RCL1: variants seen among roughly 807,000 people sequenced by gnomAD.
The protein encoded by RCL1 is RNA terminal phosphate cyclase like 1, also known as RNA 3'-terminal phosphate cyclase-like protein.
RCL1 carries 24 observed loss-of-function variants against 42.4 expected under a neutral mutation model. The observed-to-expected ratio is 0.57, with a 90% CI of 0.41 to 0.80. RCL1 has a LOEUF of 0.80. RCL1 is among the 30% of genes least tolerant of loss of function. The pLI, the probability that RCL1 is intolerant of heterozygous loss-of-function variation, is 0.00. For missense variants in RCL1, 578 were observed against 467.9 expected (o/e 1.24, Z -2.17); for synonymous variants, 228 against 177.3 (o/e 1.29, Z -2.27).
intron 1 of RCL1, among the ~76,000 whole-genome samples, chr9:4,812,039 G>T (rs1408824627): frequency 6.6e-6 from 1 of 151,988 alleles, no homozygotes; most frequent in Non-Finnish European, 1.5e-5. Flanking sequence ...TTTTAAAATT[G>T]GATTATTTGT....
intron 6 of RCL1, among the ~76,000 whole-genome samples, chr9:4,843,681 A>G (rs535460446): frequency 2.6e-5 from 4 of 152,350 alleles, no homozygotes; most frequent in African/African-American, 9.6e-5. Context: ...ACTCACACAG[A>G]TGGAAATTCT....
At chr9:4,804,709 G>A in intron 1 of RCL1, 1 of 173,230 alleles carries the variant, frequency 5.8e-6, no homozygotes, top group Non-Finnish European at 1.3e-5. Flanking sequence ...TGGCCGGTGC[G>A]CTGGTGGGGA....
chr9:4,836,448 A>G (rs1817133632), intron 5 of RCL1, among the ~76,000 whole-genome samples: 1 of 152,196 alleles, frequency 6.6e-6, no homozygotes, highest in African/African-American at 2.4e-5. Context: ...AAATAGATAC[A>G]TGTACTGTGT....
intron 1 of RCL1, among the ~76,000 whole-genome samples, chr9:4,796,411 T>C (rs1842915020): frequency 6.6e-6 from 1 of 152,196 alleles, no homozygotes; most frequent in African/African-American, 2.4e-5. Context: ...CATTATTTCA[T>C]TCTTTTTTTT....
intron 8 of RCL1, among the ~76,000 whole-genome samples, chr9:4,851,109 A>ATATG (rs1170617445): frequency 6.6e-6 from 1 of 152,162 alleles, no homozygotes; most frequent in Non-Finnish European, 1.5e-5. Flanking sequence ...GATGCTCAAG[A>ATATG]TATGACTGGA....
intron 1 of RCL1, among the ~76,000 whole-genome samples, chr9:4,807,761 C>T (rs1248547977): frequency 1.4e-4 from 22 of 152,282 alleles, no homozygotes; most frequent in Non-Finnish European, 2.2e-4. Context: ...TCAGGTGATC[C>T]GCCTGCCTGA....
At chr9:4,795,101 A>G (rs946504450) in intron 1 of RCL1, among the ~76,000 whole-genome samples, 6 of 151,648 alleles carry the variant, frequency 4.0e-5, no homozygotes, top group African/African-American at 1.5e-4. Flanking sequence ...TTTTTGAGAC[A>G]GAGTCTTACT....
intron 8 of RCL1, among the ~76,000 whole-genome samples, chr9:4,852,071 CG>C (rs1563859237): frequency 6.6e-6 from 1 of 151,900 alleles, no homozygotes; most frequent in East Asian, 1.9e-4. Flanking sequence ...TTAGTAGAGA[CG>C]GGGTTTCACC....
intron 8 of RCL1, among the ~76,000 whole-genome samples, chr9:4,857,914 T>C (rs933321277): frequency 1.9e-4 from 28 of 148,246 alleles, no homozygotes; most frequent in Non-Finnish European, 3.3e-4. Context: ...TGAGGAAATA[T>C]CCGTTTAGCT....
At chr9:4,803,932 A>G (rs1007600749) in intron 1 of RCL1, 3 of 152,538 alleles carry the variant, frequency 2.0e-5, no homozygotes, top group Non-Finnish European at 4.4e-5. Flanking sequence ...ACTCACGGCC[A>G]TCTCAGGCCC....
rs1380248038 is a variant in RCL1, at chr9:4,815,772, A to G, written c.137-7776A>G. ...CTCCTTCTCTGTGGGGAGCACAGCT[A>G]CGTATGTATACTCCAGGCAGCTTAG... On this transcript the variant is annotated intron_variant, in intron 1 of 8. Transcript: ENST00000381750. Among the ~76,000 whole-genome samples, 7 of 152,118 alleles carry G rather than the reference A, an allele frequency of 4.6e-5. No homozygotes were observed. The East Asian group carries it at 1.3e-3, about 29-fold the overall frequency.
intron 8 of RCL1, among the ~76,000 whole-genome samples, chr9:4,852,163 G>T (rs1040503179): frequency 6.6e-6 from 1 of 152,324 alleles, no homozygotes; most frequent in East Asian, 1.9e-4. Flanking sequence ...TTGCAGGCCT[G>T]AGCCACCAAG....
At chr9:4,837,145 A>G (rs187172456) in intron 5 of RCL1, among the ~76,000 whole-genome samples, 11 of 152,308 alleles carry the variant, frequency 7.2e-5, no homozygotes, top group African/African-American at 2.2e-4. Flanking sequence ...TGGAAATGCA[A>G]TGTAACTAGG....
chr9:4,816,605 C>G (rs1378342578), intron 1 of RCL1, among the ~76,000 whole-genome samples: 1 of 151,906 alleles, frequency 6.6e-6, no homozygotes, highest in South Asian at 2.1e-4. Context: ...TATCCGCAGC[C>G]CTTTTTGGGA....
chr9:4,816,289 A>G (rs1340575566), intron 1 of RCL1, among the ~76,000 whole-genome samples: 1 of 152,200 alleles, frequency 6.6e-6, no homozygotes, highest in Non-Finnish European at 1.5e-5. Context: ...GTCTTTTGAC[A>G]CTTTCAGTGT....
intron 1 of RCL1, among the ~76,000 whole-genome samples, chr9:4,798,349 A>C (rs1307830244): frequency 6.6e-6 from 1 of 152,214 alleles, no homozygotes; most frequent in Non-Finnish European, 1.5e-5. Flanking sequence ...GAAATAATGG[A>C]CTTGAACAAG....
chr9:4,826,079 A>G (rs1816752478), intron 2 of RCL1, among the ~76,000 whole-genome samples: 1 of 145,834 alleles, frequency 6.9e-6, no homozygotes, highest in African/African-American at 2.8e-5. Flanking sequence ...TAAAGAAAAA[A>G]AAGAAAGAAA....
chr9:4,803,112 G>T (rs60283744), intron 1 of RCL1, among the ~76,000 whole-genome samples: 1 of 151,588 alleles, frequency 6.6e-6, no homozygotes, highest in Non-Finnish European at 1.5e-5. Flanking sequence ...CTCCCAAAGC[G>T]TCAGAATTAC....
At chr9:4,835,723 C>T (rs1428864196) in intron 5 of RCL1, among the ~76,000 whole-genome samples, 4 of 152,214 alleles carry the variant, frequency 2.6e-5, no homozygotes, top group East Asian at 3.9e-4. Flanking sequence ...ACGCCGGCTG[C>T]GCCACTTACC....
Sources: allele counts gnomAD v4.1 joint callset (sites outside exome capture counted in the v4.1 genomes callset), GRCh38; gene constraint gnomAD v4.1.1; transcripts MANE v1.5; gene names NCBI Gene and HGNC (gene_info 2026-07-23, HGNC 2026-07-21).